The following PDE4D variants were observed in gnomAD, a reference collection of about 807,000 sequenced individuals.
PDE4D encodes phosphodiesterase 4D, also known as 3',5'-cyclic-AMP phosphodiesterase 4D.
PDE4D carries 24 observed loss-of-function variants against 87.4 expected under a neutral mutation model. The observed-to-expected ratio is 0.27, with a 90% CI of 0.20 to 0.39. The LOEUF is 0.39. Among genes scored for constraint, PDE4D ranks in the 10% least tolerant of loss-of-function variants. The pLI, the probability that PDE4D is intolerant of heterozygous loss-of-function variation, is 1.00. For missense variants in PDE4D, 714 were observed against 1,041.0 expected, an observed-to-expected ratio of 0.69 and a Z score of 4.32; for synonymous variants, 384 against 383.2, an observed-to-expected ratio of 1.00 and a Z score of -0.02.
intron 1 of PDE4D, among the ~76,000 whole-genome samples, chr5:59,641,209 C>T (rs1005058407): frequency 2.0e-5 from 3 of 152,094 alleles, no homozygotes; most frequent in Non-Finnish European, 4.4e-5. Context: ...TTACTTTTGG[C>T]TGAAAGCTAT....
At chr5:60,239,243 T>G (rs547332805) in intron 1 of PDE4D, among the ~76,000 whole-genome samples, 7 of 152,246 alleles carry the variant, frequency 4.6e-5, no homozygotes, top group Non-Finnish European at 1.0e-4. Flanking sequence ...CACACTGATT[T>G]GTAATACATC....
At chr5:59,976,461 C>T (rs547021502) in intron 3 of PDE4D, among the ~76,000 whole-genome samples, 1 of 152,028 alleles carries the variant, frequency 6.6e-6, no homozygotes, top group African/African-American at 2.4e-5. Context: ...GCACCTGCCC[C>T]CTCTCTTATT....
rs74841265 is a variant in PDE4D at position 59,418,246 on chromosome 5, T to G, written c.456-202278A>C. Among the ~76,000 whole-genome samples, 1,334 of 152,330 alleles carry G rather than the reference T, an allele frequency of 8.8e-3. 24 individuals carry two copies. The highest frequency in any genetic ancestry group is 0.031 in the African/African-American group (1,276 of 41,574). ...TTAGTTTAGAAAATATTCCTTTGCT[T>G]AATTTTCATGACCCTAAAAATATAG... On this transcript the variant is annotated intron_variant, in intron 1 of 14. Coordinates refer to ENST00000340635, the MANE Select transcript of PDE4D (RefSeq NM_001104631.2).
At chr5:60,009,310 C>T (rs962575069) in intron 2 of PDE4D, among the ~76,000 whole-genome samples, 3 of 152,012 alleles carry the variant, frequency 2.0e-5, no homozygotes, top group Non-Finnish European at 4.4e-5. Flanking sequence ...GTGATCATCA[C>T]TTTCCTTTCT....
intron 1 of PDE4D, among the ~76,000 whole-genome samples, chr5:59,541,520 T>C (rs1304019922): frequency 6.6e-6 from 1 of 152,206 alleles, no homozygotes; most frequent in African/African-American, 2.4e-5. Context: ...AGTAAAAACA[T>C]TTTTGCTTAA....
At chr5:60,245,608 G>A (rs954529926) in intron 1 of PDE4D, among the ~76,000 whole-genome samples, 2 of 151,894 alleles carry the variant, frequency 1.3e-5, no homozygotes, top group African/African-American at 2.4e-5. Flanking sequence ...AAAAGAATGA[G>A]ATTCTGTTAT....
chr5:59,031,177 C>A lies in PDE4D; in HGVS notation c.921+7682G>T, dbSNP rs1561346564. On this transcript the variant is annotated intron_variant, in intron 6 of 14. Transcript: ENST00000340635. Reference sequence around the variant, plus strand: ...ATTATTGAAAATAGTATGAAGGTTCCTCAAAAATCTAAAAATAGAACTACC... The same window carrying A: ...ATTATTGAAAATAGTATGAAGGTTCATCAAAAATCTAAAAATAGAACTACC... Among the ~76,000 whole-genome samples the A allele has an allele frequency of 2.0e-5, 3 of 151,680 alleles. No individual in the cohort carries two copies. The South Asian group carries it at 6.3e-4, about 32-fold the overall frequency.
chr5:60,024,573 G>T (rs1396166187), intron 2 of PDE4D, among the ~76,000 whole-genome samples: 1 of 152,094 alleles, frequency 6.6e-6, no homozygotes, highest in African/African-American at 2.4e-5. Context: ...TGAAGCATGG[G>T]GTACATCACA....
chr5:59,687,431 C>A (rs1750075171), intron 1 of PDE4D, among the ~76,000 whole-genome samples: 1 of 151,992 alleles, frequency 6.6e-6, no homozygotes, highest in Admixed American at 6.6e-5. Flanking sequence ...ATTCAACATT[C>A]TTAAAGAATT....
intron 1 of PDE4D, among the ~76,000 whole-genome samples, chr5:59,837,853 A>C (rs1188208224): frequency 6.6e-6 from 1 of 152,084 alleles, no homozygotes; most frequent in Non-Finnish European, 1.5e-5. Flanking sequence ...ACAAATAATT[A>C]CCAAATGAAC....
intron 3 of PDE4D, among the ~76,000 whole-genome samples, chr5:59,983,616 C>G (rs1762133367): frequency 6.6e-6 from 1 of 152,102 alleles, no homozygotes; most frequent in South Asian, 2.1e-4. Context: ...AAGCAATATT[C>G]CTACTCATCG....
chr5:59,228,314 G>A (rs1412735525), intron 1 of PDE4D, among the ~76,000 whole-genome samples: 2 of 152,056 alleles, frequency 1.3e-5, no homozygotes, highest in Non-Finnish European at 2.9e-5. Flanking sequence ...CAGGTACTAT[G>A]CTTAGCACCT....
intron 1 of PDE4D, among the ~76,000 whole-genome samples, chr5:60,283,537 TA>T (rs1752139932): frequency 6.6e-6 from 1 of 152,084 alleles, no homozygotes; most frequent in African/African-American, 2.4e-5. Context: ...TTAAAAGAAA[TA>T]AAAAATGGTA....
chr5:60,498,639 A>T (rs534074059), intron 1 of PDE4D, among the ~76,000 whole-genome samples: 29 of 152,314 alleles, frequency 1.9e-4, no homozygotes, highest in Non-Finnish European at 3.7e-4. Flanking sequence ...AGAGAGTATG[A>T]TCAAATCCAA....
chr5:59,894,207 G>A (rs890945896), upstream of PDE4D, among the ~76,000 whole-genome samples: 3 of 152,088 alleles, frequency 2.0e-5, no homozygotes, highest in South Asian at 2.1e-4. Flanking sequence ...CCTCCACACT[G>A]CTCCCCACTG....
At position 60,446,826 on chromosome 5, in the gene PDE4D, C is replaced by G. The variant is rs534284530; in HGVS notation, c.-90+41116G>C. Among the ~76,000 whole-genome samples, 9 of 152,206 alleles carry G rather than the reference C, an allele frequency of 5.9e-5. No individual in the cohort carries two copies. In the East Asian group the frequency reaches 1.7e-3, roughly 29 times the overall value. On this transcript the variant is annotated intron_variant, in intron 1 of 16. Coordinates refer to the PDE4D transcript ENST00000502484. ...TGCCTGCTCATACTGGCCTCTTCAA[C>G]CTAATTCTGCGCCTGCCCCCTGCCA...
In PDE4D at chr5:60,323,773, C is replaced by T. The variant is rs116007284; in HGVS notation, c.-89-138086G>A. On this transcript the variant is annotated intron_variant, in intron 1 of 16. Coordinates refer to the PDE4D transcript ENST00000502484. ...TGATTACCACCCTCCACCCCCCACC[C>T]GCAGCCTCTCTCTCCTGAGGTCTCT... Among the ~76,000 whole-genome samples the T allele has an allele frequency of 5.4e-5, 8 of 149,124 alleles. No individual in the cohort carries two copies. In the East Asian group the frequency reaches 5.8e-4, roughly 11 times the overall value.
intron 1 of PDE4D, among the ~76,000 whole-genome samples, chr5:59,438,818 A>G (rs368883455): frequency 7.2e-5 from 11 of 152,318 alleles, no homozygotes; most frequent in African/African-American, 2.6e-4. Context: ...ATAATAGAGA[A>G]ACTCATAATA....
intron 2 of PDE4D, among the ~76,000 whole-genome samples, chr5:60,143,616 T>C (rs975114958): frequency 4.1e-5 from 6 of 148,092 alleles, no homozygotes; most frequent in Non-Finnish European, 4.5e-5. Flanking sequence ...TGTGTGTGTG[T>C]GTGTGTGTGT....
Sources: allele counts gnomAD v4.1 joint callset (sites outside exome capture counted in the v4.1 genomes callset), GRCh38; gene constraint gnomAD v4.1.1; transcripts MANE v1.5; gene names NCBI Gene and HGNC (gene_info 2026-07-23, HGNC 2026-07-21).